Variants in AGMO observed in about 807,000 individuals in gnomAD.
The protein encoded by AGMO is alkylglycerol monooxygenase.
In AGMO, 75 loss-of-function variants were observed where a neutral mutation model predicts 60.2. That is an observed-to-expected ratio of 1.25 (90% CI 1.03 to 1.51). The LOEUF is 1.51. Ranked by LOEUF, AGMO falls within the 40% of genes most tolerant of loss-of-function variation. The pLI is 0.00. For synonymous variants in AGMO, 261 were observed against 177.1 expected, an observed-to-expected ratio of 1.47 and a Z score of -3.76; for missense variants, 763 against 525.5, an observed-to-expected ratio of 1.45 and a Z score of -4.42.
chr7:15,184,872 GA>G, the AGMO span, among the ~76,000 whole-genome samples: 1 of 81,952 alleles, frequency 1.2e-5, no homozygotes, highest in South Asian at 6.3e-4. Context: ...GGGAGGGAGG[GA>G]AGGAAGGAAG....
At chr7:15,439,609 A>C (rs1583554304) in intron 3 of AGMO, among the ~76,000 whole-genome samples, 1 of 152,260 alleles carries the variant, frequency 6.6e-6, no homozygotes, top group South Asian at 2.1e-4. Context: ...TACAGTGCCC[A>C]CTTATTTTTA....
intron 10 of AGMO, among the ~76,000 whole-genome samples, chr7:15,385,108 A>G (rs1261926937): frequency 6.6e-6 from 1 of 152,188 alleles, no homozygotes; most frequent in Non-Finnish European, 1.5e-5. Context: ...AAACTGATGA[A>G]AAGTGTAATT....
the AGMO span, among the ~76,000 whole-genome samples, chr7:15,126,532 C>T: frequency 2.6e-5 from 4 of 152,018 alleles, no homozygotes; most frequent in African/African-American, 9.7e-5. Context: ...AACTTGCGGA[C>T]TAAGCTCTGA....
At chr7:15,396,585 T>C (rs1583506912) in intron 5 of AGMO, 1 of 152,312 alleles carries the variant, frequency 6.6e-6, no homozygotes, top group African/African-American at 2.4e-5. Flanking sequence ...CGCTCCTTGC[T>C]TGGATCGCCA....
the AGMO span, among the ~76,000 whole-genome samples, chr7:15,155,585 A>G: frequency 2.0e-5 from 3 of 151,632 alleles, no homozygotes; most frequent in Admixed American, 2.0e-4. Context: ...CTTCTTTTAT[A>G]TCTTGATGAG....
At chr7:15,123,343 T>C in the AGMO span, among the ~76,000 whole-genome samples, 1 of 152,090 alleles carries the variant, frequency 6.6e-6, no homozygotes, top group East Asian at 1.9e-4. Flanking sequence ...TGTTGCACCT[T>C]TGTTTTGTAT....
the AGMO span, among the ~76,000 whole-genome samples, chr7:15,137,023 A>G: frequency 6.6e-6 from 1 of 152,100 alleles, no homozygotes; most frequent in Non-Finnish European, 1.5e-5. Flanking sequence ...TATTCCAGAG[A>G]TGTAAGATTC....
chr7:15,227,342 A>G (rs868636118), intron 12 of AGMO, among the ~76,000 whole-genome samples: 1 of 152,050 alleles, frequency 6.6e-6, no homozygotes, highest in African/African-American at 2.4e-5. Context: ...CAACGCTGTA[A>G]CCAATCAAGC....
At chr7:15,138,760 T>C in the AGMO span, among the ~76,000 whole-genome samples, 1 of 152,178 alleles carries the variant, frequency 6.6e-6, no homozygotes, top group Non-Finnish European at 1.5e-5. Context: ...TCTTTTTGAA[T>C]GAAGACAAAA....
At chr7:15,261,384 A>G (rs1234456280) in intron 12 of AGMO, among the ~76,000 whole-genome samples, 1 of 152,122 alleles carries the variant, frequency 6.6e-6, no homozygotes, top group Non-Finnish European at 1.5e-5. Flanking sequence ...CTTTATGCAC[A>G]TAAACTGGAA....
At chr7:15,276,233 C>A (rs1783781948) in intron 12 of AGMO, among the ~76,000 whole-genome samples, 1 of 152,126 alleles carries the variant, frequency 6.6e-6, no homozygotes, top group African/African-American at 2.4e-5. Context: ...CTAGTGGTGA[C>A]AAATACCCTT....
chr7:15,552,207 C>T (rs1448064737), intron 2 of AGMO, among the ~76,000 whole-genome samples: 1 of 152,038 alleles, frequency 6.6e-6, no homozygotes, highest in Non-Finnish European at 1.5e-5. Flanking sequence ...GACCTAAAAC[C>T]ATAAAAACCC....
At chr7:15,426,346 C>G (rs1017467141) in intron 4 of AGMO, among the ~76,000 whole-genome samples, 7 of 152,126 alleles carry the variant, frequency 4.6e-5, no homozygotes, top group African/African-American at 1.4e-4. Context: ...AGACTAATTT[C>G]TTTGAAAGTT....
chr7:15,129,682 G>A, the AGMO span, among the ~76,000 whole-genome samples: 1 of 152,120 alleles, frequency 6.6e-6, no homozygotes, highest in African/African-American at 2.4e-5. Flanking sequence ...CTTAGGGGTA[G>A]AGAATTTCAT....
At chr7:15,421,393 T>C (rs1780918629) in intron 4 of AGMO, among the ~76,000 whole-genome samples, 1 of 152,090 alleles carries the variant, frequency 6.6e-6, no homozygotes, top group African/African-American at 2.4e-5. Flanking sequence ...TTCAAGAAGC[T>C]TGGGCATAAG....
intron 12 of AGMO, among the ~76,000 whole-genome samples, chr7:15,270,295 T>C (rs868775593): frequency 7.2e-5 from 11 of 151,936 alleles, no homozygotes; most frequent in African/African-American, 2.4e-4. Flanking sequence ...CTTTGTATTA[T>C]TATTTTATAT....
At chr7:15,511,936 A>T in intron 3 of AGMO, among the ~76,000 whole-genome samples, 1 of 151,874 alleles carries the variant, frequency 6.6e-6, no homozygotes, top group East Asian at 1.9e-4. Flanking sequence ...AGCCCACCAG[A>T]CACCTTAGTC....
chr7:15,117,339 T>C, the AGMO span, among the ~76,000 whole-genome samples: 1 of 151,994 alleles, frequency 6.6e-6, no homozygotes, highest in Non-Finnish European at 1.5e-5. Context: ...ACCGATGTAA[T>C]GGATACTATG....
intron 3 of AGMO, among the ~76,000 whole-genome samples, chr7:15,459,452 T>C (rs149127627): frequency 5.7e-4 from 87 of 152,282 alleles, no homozygotes; most frequent in African/African-American, 2.0e-3. Context: ...ATGTTCCGAA[T>C]GCTCTCATTT....
Sources: allele counts gnomAD v4.1 joint callset (sites outside exome capture counted in the v4.1 genomes callset), GRCh38; gene constraint gnomAD v4.1.1; transcripts MANE v1.5; gene names NCBI Gene and HGNC (gene_info 2026-07-23, HGNC 2026-07-21).